TMEM117: variants seen among roughly 807,000 people sequenced by gnomAD.
TMEM117 encodes the protein transmembrane protein 117.
A neutral mutation model predicts 52.4 loss-of-function variants in TMEM117; 27 were observed. The observed-to-expected ratio is 0.51, with a 90% CI of 0.38 to 0.71. TMEM117 has a LOEUF of 0.71. TMEM117 is among the 30% of genes least tolerant of loss of function. The pLI, the probability that TMEM117 is intolerant of heterozygous loss-of-function variation, is 0.00. For missense variants in TMEM117, 556 were observed against 630.5 expected (o/e 0.88, Z 1.26); for synonymous variants, 215 against 206.3 (o/e 1.04, Z -0.36).
chr12:44,249,251 A>G (rs1019351630), intron 5 of TMEM117, among the ~76,000 whole-genome samples: 1 of 152,114 alleles, frequency 6.6e-6, no homozygotes, highest in Non-Finnish European at 1.5e-5. Context: ...AACTACTAAT[A>G]TCTTGTCGAA....
chr12:43,873,507 A>G (rs1176826616), intron 2 of TMEM117, among the ~76,000 whole-genome samples: 2 of 152,148 alleles, frequency 1.3e-5, no homozygotes, highest in African/African-American at 4.8e-5. Flanking sequence ...CCAAAATGCA[A>G]TAAAACACAT....
chr12:44,278,971 T>C (rs1455539090), intron 5 of TMEM117, among the ~76,000 whole-genome samples: 1 of 152,246 alleles, frequency 6.6e-6, no homozygotes, highest in East Asian at 1.9e-4. Flanking sequence ...TTATTCTTCA[T>C]TACAGTTAGA....
At chr12:44,147,317 G>A (rs1183257788) in intron 4 of TMEM117, among the ~76,000 whole-genome samples, 1 of 152,132 alleles carries the variant, frequency 6.6e-6, no homozygotes. Context: ...AGCTGGAGGA[G>A]AGTTGGCCAG....
At chr12:43,957,833 C>T (rs1945333904) in intron 3 of TMEM117, among the ~76,000 whole-genome samples, 1 of 152,044 alleles carries the variant, frequency 6.6e-6, no homozygotes, top group South Asian at 2.1e-4. Context: ...ATTCCTGTTC[C>T]CCAAAGGATG....
intron 2 of TMEM117, among the ~76,000 whole-genome samples, chr12:43,916,802 T>C (rs762841311): frequency 6.6e-6 from 1 of 152,156 alleles, no homozygotes. Flanking sequence ...GGGCTAAACA[T>C]AAGCCAGGTA....
intron 3 of TMEM117, among the ~76,000 whole-genome samples, chr12:44,007,888 C>T (rs1946225824): frequency 6.6e-6 from 1 of 152,128 alleles, no homozygotes; most frequent in Admixed American, 6.6e-5. Flanking sequence ...TGTGAGGCCT[C>T]CCCAGCCACG....
chr12:44,140,946 G>A (rs1252270151), intron 3 of TMEM117, among the ~76,000 whole-genome samples: 1 of 152,128 alleles, frequency 6.6e-6, no homozygotes, highest in Non-Finnish European at 1.5e-5. Context: ...CCAGCTGTGT[G>A]TCATGCTGTC....
At chr12:44,186,991 G>A (rs574683199) in intron 4 of TMEM117, among the ~76,000 whole-genome samples, 4 of 152,168 alleles carry the variant, frequency 2.6e-5, no homozygotes, top group Admixed American at 2.0e-4. Flanking sequence ...TTTCAACAGT[G>A]GGAGAACCTG....
At chr12:43,985,420 A>AAAAC (rs1367508352) in intron 3 of TMEM117, among the ~76,000 whole-genome samples, 1 of 152,212 alleles carries the variant, frequency 6.6e-6, no homozygotes, top group Non-Finnish European at 1.5e-5. Context: ...GAAACACTGA[A>AAAAC]AAACAAAATA....
chr12:43,958,895 C>G (rs1316741147), intron 3 of TMEM117, among the ~76,000 whole-genome samples: 2 of 152,082 alleles, frequency 1.3e-5, no homozygotes, highest in African/African-American at 4.8e-5. Context: ...CAAGCTCCGC[C>G]TCCCGGGTTC....
At chr12:44,256,419 C>T (rs572795344) in intron 5 of TMEM117, among the ~76,000 whole-genome samples, 1 of 151,970 alleles carries the variant, frequency 6.6e-6, no homozygotes, top group Non-Finnish European at 1.5e-5. Context: ...TATGCAATCA[C>T]ATATTTCAAT....
the TMEM117 span, among the ~76,000 whole-genome samples, chr12:43,800,195 A>C: frequency 1.3e-5 from 2 of 152,198 alleles, no homozygotes; most frequent in Non-Finnish European, 2.9e-5. Flanking sequence ...TATTTACCAT[A>C]TACTTTAGAA....
chr12:44,179,685 G>A (rs1342023377), intron 4 of TMEM117, among the ~76,000 whole-genome samples: 7 of 152,192 alleles, frequency 4.6e-5, no homozygotes, highest in Non-Finnish European at 1.0e-4. Context: ...TCACCTGGCA[G>A]TACCCTCGCA....
At chr12:43,929,756 C>T (rs2137576995) in intron 2 of TMEM117, among the ~76,000 whole-genome samples, 1 of 152,148 alleles carries the variant, frequency 6.6e-6, no homozygotes, top group Admixed American at 6.5e-5. Flanking sequence ...TATTTAACAG[C>T]TATTAAATCT....
intron 3 of TMEM117, among the ~76,000 whole-genome samples, chr12:44,115,325 G>T (rs536061851): frequency 2.0e-5 from 3 of 152,120 alleles, no homozygotes; most frequent in African/African-American, 4.8e-5. Context: ...GGGAGAAGGG[G>T]GAGGGATAGC....
Position 44,305,778 on chromosome 12 carries a change from G to A in TMEM117, c.768+6039G>A, listed in dbSNP as rs1950896006. Among the ~76,000 whole-genome samples, 5 of 152,156 alleles carry A rather than the reference G, an allele frequency of 3.3e-5. No homozygotes were observed. The South Asian group carries it at 1.0e-3, about 32-fold the overall frequency. ...CTCTCAAACAGCTTAAACAGAACTA[G>A]CATTCAACCCAGCAATCCCATTACT... On this transcript the variant is annotated intron_variant, in intron 6 of 7. Coordinates refer to ENST00000266534, the MANE Select transcript of TMEM117 (RefSeq NM_032256.3).
chr12:43,884,896 A>G (rs1166964263), intron 2 of TMEM117, among the ~76,000 whole-genome samples: 1 of 152,166 alleles, frequency 6.6e-6, no homozygotes, highest in African/African-American at 2.4e-5. Flanking sequence ...ACACAGCACA[A>G]GCACCATCCT....
intron 5 of TMEM117, among the ~76,000 whole-genome samples, chr12:44,295,814 A>C (rs908584553): frequency 1.3e-5 from 2 of 151,958 alleles, no homozygotes; most frequent in African/African-American, 4.8e-5. Flanking sequence ...ATTCTTTGTC[A>C]GACAGTTCAT....
the TMEM117 span, among the ~76,000 whole-genome samples, chr12:44,396,624 C>T: frequency 6.6e-6 from 1 of 152,046 alleles, no homozygotes; most frequent in Admixed American, 6.5e-5. Flanking sequence ...GAGGCCAAGG[C>T]AGGCAGATCA....
Sources: gnomAD v4.1 joint callset for allele counts (sites outside exome capture counted in the v4.1 genomes callset) on GRCh38, gnomAD v4.1.1 for gene constraint, MANE v1.5 for transcripts, NCBI Gene and HGNC (gene_info 2026-07-23, HGNC 2026-07-21) for gene names.